The following SEC13 variants were observed in gnomAD, a reference collection of about 807,000 sequenced individuals.
The protein encoded by SEC13 is protein SEC13 homolog.
SEC13 carries 25 observed loss-of-function variants against 49.2 expected under a neutral mutation model. The ratio of observed to expected loss-of-function variants is 0.51; its 90% CI spans 0.37 to 0.71. The LOEUF (loss-of-function observed/expected upper bound fraction) is 0.71. Among genes scored for constraint, SEC13 ranks in the 30% least tolerant of loss-of-function variants. The probability of loss-of-function intolerance (pLI) is 0.00; values close to 1 mark genes in which losing one functional copy is unlikely to be tolerated. For synonymous variants in SEC13, 148 were observed against 163.9 expected (o/e 0.90, Z 0.74); for missense variants, 383 against 417.6 (o/e 0.92, Z 0.72).
At chr3:10,316,405 A>G (rs1353039674) in intron 2 of SEC13, among the ~76,000 whole-genome samples, 1 of 152,092 alleles carries the variant, frequency 6.6e-6, no homozygotes, top group Non-Finnish European at 1.5e-5. Flanking sequence ...TACGCAAGGA[A>G]CACATCCTGA....
chr3:10,315,104 A>G, intron 3 of SEC13: 1 of 484,516 alleles, frequency 2.1e-6, no homozygotes, highest in Non-Finnish European at 3.7e-6. Context: ...GGCAGAGCTG[A>G]GATTCACACC....
rs1700461155 is a variant in SEC13 at position 10,300,967 on chromosome 3, A to G, written c.*294T>C. 14 of 1,055,718 alleles carry G rather than the reference A, an allele frequency of 1.3e-5. No homozygotes were observed. In the South Asian group the frequency reaches 2.1e-4, roughly 16 times the overall value. 65.4% of individuals were successfully genotyped at this position (1,055,718 alleles called of 1,614,324 possible). A position where few individuals can be genotyped will look rare whatever the true frequency, so the allele number is the denominator to read the frequency against. ...ATGACTTTATTTAGTTCCTTTGGAA[A>G]CAAAACCCCCCAAATAATGCCTGAA... On this transcript the variant is annotated 3_prime_UTR_variant, in exon 9 of 9. Coordinates refer to ENST00000350697, the MANE Select transcript of SEC13 (RefSeq NM_183352.3).
At position 10,300,949 on chromosome 3, in the gene SEC13, T is replaced by A; in HGVS notation, c.*312A>T. On this transcript the variant is annotated 3_prime_UTR_variant, in exon 9 of 9. Coordinates refer to ENST00000350697, the MANE Select transcript of SEC13 (RefSeq NM_183352.3). ...GCAGGAATTATAAGCAATATGACTT[T>A]ATTTAGTTCCTTTGGAAACAAAACC... is the stretch of plus-strand genomic sequence containing the variant. 1.1e-6 allele frequency: 1 copy of A among 870,690 alleles called. No individual in the cohort carries two copies. Among genetic ancestry groups the A allele is most frequent in the Non-Finnish European group, 1.8e-6 (1 of 552,812 alleles). 53.9% of individuals were successfully genotyped at this position (870,690 alleles called of 1,614,324 possible).
intron 2 of SEC13, 37 bp from the exon 3 acceptor site, chr3:10,315,473 G>T: frequency 1.4e-6 from 1 of 709,590 alleles, no homozygotes; most frequent in Non-Finnish European, 2.3e-6. Context: ...CCTGCAGGCT[G>T]GGTGGGTGGG....
chr3:10,318,190 C>T (rs544090325), intron 1 of SEC13, 96 bp from the exon 2 acceptor site: 4 of 798,966 alleles, frequency 5.0e-6, no homozygotes, highest in South Asian at 4.4e-5. Flanking sequence ...CTCACTCATT[C>T]ATTCATTCAT....
chr3:10,317,946 C>A (rs973323015), intron 2 of SEC13, 104 bp downstream of exon 2: 14 of 752,196 alleles, frequency 1.9e-5, no homozygotes, highest in Non-Finnish European at 3.3e-5. Context: ...ACCCTGGATC[C>A]ATGAATGATC....
Position 10,312,089 on chromosome 3 carries a change from A to G in SEC13, c.326T>C (p.Val109Ala). The change falls in exon 5 of 9, where the codon GTG becomes GCG. Residue 109 changes from valine (V) to alanine (A), a missense_variant. Transcript: ENST00000350697. The stretch of plus-strand genomic sequence containing the variant: ...GCCGTAGTCATGGGGGGCCCAGCAC[A>G]CCGAGTTCACTGCGGGAAGAGGGAG... Reference protein sequence around the residue: ...HAGHDSSVNSVCWAPHDYGLI... With the variant: ...HAGHDSSVNSACWAPHDYGLI... 2 of 1,602,134 alleles carry G rather than the reference A, an allele frequency of 1.2e-6. No homozygotes were observed. The highest frequency in any genetic ancestry group is 1.7e-6 in the Non-Finnish European group (2 of 1,174,096).
At position 10,301,301 on chromosome 3, in the gene SEC13, A is replaced by T; in HGVS notation, c.929T>A (p.Val310Glu). Reference sequence around the variant, plus strand: ...CTGGCCCTCTGTCACTGATGCTGATACGGAGCCCTGGCCCTTGTTGACATC... The same window carrying T: ...CTGGCCCTCTGTCACTGATGCTGATTCGGAGCCCTGGCCCTTGTTGACATC... ...ISDVNKGQGS[V>E]SASVTEGQQN... Residue 310 changes from valine to glutamate, a missense_variant, in exon 9 of 9, where the codon GTA becomes GAA. Coordinates refer to ENST00000350697, the MANE Select transcript of SEC13 (RefSeq NM_183352.3). 6.2e-7 allele frequency: 1 copy of T among 1,614,136 alleles called. No homozygotes were observed.
chr3:10,307,212 CTTT>C (rs35883236), intron 5 of SEC13, among the ~76,000 whole-genome samples: 11 of 141,306 alleles, frequency 7.8e-5, no homozygotes, highest in Admixed American at 2.8e-4. Context: ...GAGCCACTGC[CTTT>C]TTTTTTTTTT....
chr3:10,305,770 C>G, intron 5 of SEC13, 78 bp from the exon 6 acceptor site: 1 of 1,529,828 alleles, frequency 6.5e-7, no homozygotes, highest in East Asian at 2.3e-5. Flanking sequence ...CTGTCCCTCT[C>G]CCCTCCGCTT....
At chr3:10,303,987 C>G (rs1379833399) in intron 8 of SEC13, 39 bp downstream of exon 8, 4 of 1,611,246 alleles carry the variant, frequency 2.5e-6, no homozygotes, top group Non-Finnish European at 3.4e-6. Flanking sequence ...TGAAGACCAA[C>G]AGGCTGTGTC....
In SEC13 at chr3:10,301,032, A is replaced by G. The variant is rs1700465553; in HGVS notation, c.*229T>C. The G allele has an allele frequency of 2.6e-6, 4 of 1,558,626 alleles. No individual in the cohort carries two copies. The highest frequency in any genetic ancestry group is 2.7e-5 in the African/African-American group (2 of 73,832). Reference sequence around the variant, plus strand: ...AAAATGACCCAAAATAGATTTGAACATCACTTGTAGTTTCTTCCTCGTAAC... The same window carrying G: ...AAAATGACCCAAAATAGATTTGAACGTCACTTGTAGTTTCTTCCTCGTAAC... On this transcript the variant is annotated 3_prime_UTR_variant, in exon 9 of 9. Coordinates refer to ENST00000350697, the MANE Select transcript of SEC13 (RefSeq NM_183352.3).
chr3:10,301,076 A>G lies in SEC13; in HGVS notation c.*185T>C. 1.2e-6 allele frequency: 2 copies of G among 1,611,508 alleles called. No homozygotes were observed. Among genetic ancestry groups the G allele is most frequent in the Admixed American group, 3.3e-5 (2 of 59,978 alleles). On this transcript the variant is annotated 3_prime_UTR_variant, in exon 9 of 9. Coordinates refer to ENST00000350697, the MANE Select transcript of SEC13 (RefSeq NM_183352.3). Reference sequence around the variant, plus strand: ...TCGTAACATGAGTGCTTTCAGCTGGACAGTAGATTACAAAGCATCTCCGAT... The same window carrying G: ...TCGTAACATGAGTGCTTTCAGCTGGGCAGTAGATTACAAAGCATCTCCGAT...
At position 10,312,723 on chromosome 3, in the gene SEC13, C is replaced by T. The variant is rs528120971; in HGVS notation, c.172G>A (p.Gly58Ser). The change falls in exon 4 of 9, where the codon GGT becomes AGT. Residue 58 changes from glycine to serine, a missense_variant. Coordinates refer to ENST00000350697, the MANE Select transcript of SEC13 (RefSeq NM_183352.3). Reference sequence around the variant, plus strand: ...GCCCAGGCCACTTGCCACACAGGACCCTCATGACTACAAAGGGAGAGATAG... The same window carrying T: ...GCCCAGGCCACTTGCCACACAGGACTCTCATGACTACAAAGGGAGAGATAG... ...ILIADLRGHE[G>S]PVWQVAWAHP... 1.2e-6 allele frequency: 2 copies of T among 1,614,156 alleles called. No individual in the cohort carries two copies. Among genetic ancestry groups the T allele is most frequent in the African/African-American group, 2.7e-5 (2 of 75,040 alleles).
intron 1 of SEC13, chr3:10,320,549 T>A (rs949086806): frequency 1.0e-6 from 1 of 986,274 alleles, no homozygotes; most frequent in South Asian, 4.7e-5. Flanking sequence ...TCATCTCTGC[T>A]GGGAGCTGCA....
At chr3:10,303,994 T>C in intron 8 of SEC13, 32 bp downstream of exon 8, 1 of 1,612,482 alleles carries the variant, frequency 6.2e-7, no homozygotes, top group South Asian at 1.1e-5. Flanking sequence ...CAACAGGCTG[T>C]GTCCACCATG....
chr3:10,312,380 G>A (rs974670913), intron 4 of SEC13, among the ~76,000 whole-genome samples, 199 bp downstream of exon 4: 1 of 152,192 alleles, frequency 6.6e-6, no homozygotes, highest in South Asian at 2.1e-4. Flanking sequence ...AAACTCACCT[G>A]TCTTTTCTTA....
chr3:10,312,256 C>G (rs1374991984), intron 4 of SEC13, among the ~76,000 whole-genome samples, 158 bp from the exon 5 acceptor site: 1 of 152,014 alleles, frequency 6.6e-6, no homozygotes, highest in African/African-American at 2.4e-5. Context: ...ACAAAAAAAC[C>G]CCATCACCTA....
At chr3:10,319,181 A>G in intron 1 of SEC13, 1 of 1,613,840 alleles carries the variant, frequency 6.2e-7, no homozygotes, top group Non-Finnish European at 8.5e-7. Flanking sequence ...CCCTGTAGGT[A>G]TAAAGTTTGA....
Sources: allele counts gnomAD v4.1 joint callset (sites outside exome capture counted in the v4.1 genomes callset), GRCh38; gene constraint gnomAD v4.1.1; transcripts MANE v1.5; gene names NCBI Gene and HGNC (gene_info 2026-07-23, HGNC 2026-07-21).